The following THSD7B variants were observed in gnomAD, a reference collection of about 807,000 sequenced individuals.
THSD7B encodes the protein thrombospondin type-1 domain-containing protein 7B.
THSD7B carries 138 observed loss-of-function variants against 213.6 expected under a neutral mutation model. The observed-to-expected ratio is 0.65, with a 90% CI of 0.56 to 0.74. The LOEUF (loss-of-function observed/expected upper bound fraction) is 0.74, where lower values mean the gene tolerates loss of function less well. Among genes scored for constraint, THSD7B ranks in the 30% least tolerant of loss-of-function variants. The pLI, the probability that THSD7B is intolerant of heterozygous loss-of-function variation, is 0.00. For synonymous variants in THSD7B, 742 were observed against 687.0 expected (o/e 1.08, Z -1.25); for missense variants, 1,931 against 1,991.5 (o/e 0.97, Z 0.58).
chr2:136,814,938 T>A (rs1682447195), intron 1 of THSD7B, among the ~76,000 whole-genome samples: 1 of 152,092 alleles, frequency 6.6e-6, no homozygotes, highest in Non-Finnish European at 1.5e-5. Context: ...TTTCTTGACA[T>A]GCAAAATAAC....
chr2:137,183,080 A>G (rs1680485035), intron 7 of THSD7B, among the ~76,000 whole-genome samples: 1 of 152,144 alleles, frequency 6.6e-6, no homozygotes, highest in East Asian at 1.9e-4. Context: ...GGAAATGACA[A>G]CTGATTTCAG....
intron 17 of THSD7B, among the ~76,000 whole-genome samples, chr2:137,584,990 C>A (rs1681685978): frequency 6.6e-6 from 1 of 151,958 alleles, no homozygotes; most frequent in Non-Finnish European, 1.5e-5. Flanking sequence ...ATTTGGTAGG[C>A]TATTAATTAT....
At position 136,880,305 on chromosome 2, in the gene THSD7B, G is replaced by A. The variant is rs1683597291; in HGVS notation, c.-35-1839G>A. ...CACTAGGAAGCTCATAGTCAGATTT[G>A]CCACCCACCTGTAGTAATTGTGTGG... On this transcript the variant is annotated intron_variant, in intron 1 of 27. Coordinates refer to ENST00000409968, the MANE Select transcript of THSD7B (RefSeq NM_001316349.2). Among the ~76,000 whole-genome samples, 7 of 152,124 alleles carry A rather than the reference G, an allele frequency of 4.6e-5. No homozygotes were observed. The South Asian group carries it at 1.4e-3, about 31-fold the overall frequency.
At chr2:136,946,792 T>G (rs2105067015) in intron 2 of THSD7B, among the ~76,000 whole-genome samples, 1 of 152,334 alleles carries the variant, frequency 6.6e-6, no homozygotes, top group Non-Finnish European at 1.5e-5. Flanking sequence ...CACCGAGCCT[T>G]GCATAGGATA....
chr2:137,665,702 A>G (rs1045280340), intron 26 of THSD7B, among the ~76,000 whole-genome samples: 22 of 152,140 alleles, frequency 1.4e-4, no homozygotes, highest in African/African-American at 4.8e-4. Flanking sequence ...TATGAATTAC[A>G]TGATTGCTTA....
intron 20 of THSD7B, among the ~76,000 whole-genome samples, chr2:137,636,045 T>C (rs1206688200): frequency 6.6e-6 from 1 of 152,186 alleles, no homozygotes; most frequent in Non-Finnish European, 1.5e-5. Context: ...TTGTATAACC[T>C]TTGTGACACA....
chr2:137,445,053 TGAGATATTA>T (rs1687507985), intron 14 of THSD7B, among the ~76,000 whole-genome samples: 1 of 151,890 alleles, frequency 6.6e-6, no homozygotes, highest in Non-Finnish European at 1.5e-5. Flanking sequence ...AAAACCACAA[TGAGATATTA>T]TATCACCCCA....
chr2:137,007,518 A>G (rs1686140453), intron 2 of THSD7B, among the ~76,000 whole-genome samples: 1 of 152,158 alleles, frequency 6.6e-6, no homozygotes, highest in Non-Finnish European at 1.5e-5. Flanking sequence ...AGAATAAACA[A>G]CTCATGGAGA....
chr2:137,625,097 T>G (rs1023831125), intron 20 of THSD7B, among the ~76,000 whole-genome samples: 4 of 152,020 alleles, frequency 2.6e-5, no homozygotes, highest in African/African-American at 7.3e-5. Context: ...AATGATAGAC[T>G]GGATTAAGAA....
At chr2:137,174,074 T>A (rs372861868) in intron 7 of THSD7B, among the ~76,000 whole-genome samples, 4 of 152,220 alleles carry the variant, frequency 2.6e-5, no homozygotes, top group Non-Finnish European at 5.9e-5. Flanking sequence ...TACTTTATTT[T>A]TGATTTTTTA....
At chr2:137,413,737 T>C (rs992677504) in intron 14 of THSD7B, among the ~76,000 whole-genome samples, 8 of 152,128 alleles carry the variant, frequency 5.3e-5, no homozygotes, top group African/African-American at 1.9e-4. Flanking sequence ...CCAAGGAATA[T>C]GAATATAATT....
At chr2:137,212,108 G>A (rs918659710) in intron 7 of THSD7B, among the ~76,000 whole-genome samples, 1 of 151,966 alleles carries the variant, frequency 6.6e-6, no homozygotes, top group African/African-American at 2.4e-5. Context: ...AATTTTATTA[G>A]ATATTTATTG....
intron 12 of THSD7B, among the ~76,000 whole-genome samples, chr2:137,294,527 A>C (rs1345648922): frequency 2.0e-5 from 3 of 149,978 alleles, no homozygotes. Flanking sequence ...AGGTTGCAGT[A>C]AACTGAGATT....
At chr2:136,994,593 A>G (rs1337118160) in intron 2 of THSD7B, among the ~76,000 whole-genome samples, 1 of 152,050 alleles carries the variant, frequency 6.6e-6, no homozygotes, top group Non-Finnish European at 1.5e-5. Flanking sequence ...TATGTTGAGA[A>G]TTCCTGGGTG....
At chr2:137,099,524 T>C (rs1300313745) in intron 4 of THSD7B, among the ~76,000 whole-genome samples, 2 of 152,168 alleles carry the variant, frequency 1.3e-5, no homozygotes, top group Non-Finnish European at 2.9e-5. Context: ...CCCATTCTGG[T>C]GAAAGACACT....
chr2:137,482,093 G>A (rs1233179954), intron 15 of THSD7B, among the ~76,000 whole-genome samples: 3 of 151,838 alleles, frequency 2.0e-5, no homozygotes, highest in Non-Finnish European at 4.4e-5. Flanking sequence ...CAGGAGAATG[G>A]CACGTGAACC....
intron 2 of THSD7B, among the ~76,000 whole-genome samples, chr2:136,943,602 A>G (rs1684873162): frequency 6.6e-6 from 1 of 152,128 alleles, no homozygotes; most frequent in African/African-American, 2.4e-5. Context: ...TTCCTGGTTT[A>G]GTCTTGGGAG....
chr2:137,121,900 C>T (rs1034161428), intron 5 of THSD7B, among the ~76,000 whole-genome samples: 1 of 152,198 alleles, frequency 6.6e-6, no homozygotes, highest in African/African-American at 2.4e-5. Context: ...CCAAAATTGT[C>T]TGCAACCTGG....
At chr2:137,113,459 G>A (rs546345846) in intron 4 of THSD7B, among the ~76,000 whole-genome samples, 11 of 151,878 alleles carry the variant, frequency 7.2e-5, no homozygotes, top group South Asian at 2.1e-4. Flanking sequence ...TTTTTCTTTC[G>A]GAGTTTTGCT....
Sources: gnomAD v4.1 joint callset for allele counts (sites outside exome capture counted in the v4.1 genomes callset) on GRCh38, gnomAD v4.1.1 for gene constraint, MANE v1.5 for transcripts, NCBI Gene and HGNC (gene_info 2026-07-23, HGNC 2026-07-21) for gene names.